Variants in OPCML observed in about 807,000 individuals in gnomAD.
OPCML encodes the protein opioid-binding protein/cell adhesion molecule.
A neutral mutation model predicts 37.8 loss-of-function variants in OPCML; 13 were observed. The ratio of observed to expected loss-of-function variants is 0.34; its 90% CI spans 0.22 to 0.55. OPCML has a LOEUF of 0.55. Among genes scored for constraint, OPCML ranks in the 20% least tolerant of loss-of-function variants. The pLI, the probability that OPCML is intolerant of heterozygous loss-of-function variation, is 0.91. For missense variants in OPCML, 341 were observed against 435.6 expected, an observed-to-expected ratio of 0.78 and a Z score of 1.93; for synonymous variants, 176 against 168.8, an observed-to-expected ratio of 1.04 and a Z score of -0.33.
chr11:133,189,931 C>T (rs1452119390), intron 1 of OPCML, among the ~76,000 whole-genome samples: 1 of 152,184 alleles, frequency 6.6e-6, no homozygotes, highest in African/African-American at 2.4e-5. Context: ...TGGTTGCTGC[C>T]TTGTACTGAA....
intron 1 of OPCML, among the ~76,000 whole-genome samples, chr11:133,019,362 G>C (rs1277208800): frequency 6.6e-6 from 1 of 152,182 alleles, no homozygotes; most frequent in Non-Finnish European, 1.5e-5. Flanking sequence ...CCAGCCCCAA[G>C]GTGACCTCTG....
chr11:132,590,958 C>A (rs1438702825), intron 3 of OPCML, among the ~76,000 whole-genome samples: 1 of 152,170 alleles, frequency 6.6e-6, no homozygotes, highest in Non-Finnish European at 1.5e-5. Flanking sequence ...TTTCCATAAT[C>A]CTCTAGAAGA....
rs1946941303 is a variant in OPCML at position 132,999,038 on chromosome 11, A to G, written c.62-56028T>C. Among the ~76,000 whole-genome samples the G allele has an allele frequency of 2.0e-5, 3 of 152,222 alleles. No individual in the cohort carries two copies. The East Asian group carries it at 5.8e-4, about 29-fold the overall frequency. On this transcript the variant is annotated intron_variant, in intron 1 of 7. Transcript: ENST00000524381. ...TCCGCAGATGAGGAAACAAAAGGTC[A>G]GATGATAGGAACCTTGTGTGATGTC...
chr11:132,627,615 T>C (rs1939827584), intron 3 of OPCML, among the ~76,000 whole-genome samples: 1 of 152,180 alleles, frequency 6.6e-6, no homozygotes, highest in African/African-American at 2.4e-5. Context: ...TCATGGAGTC[T>C]TTAATGAGCT....
rs968569607 is a variant in OPCML at position 133,344,649 on chromosome 11, AC to A, written c.61+187614del. Among the ~76,000 whole-genome samples, 34 of 151,868 alleles carry A rather than the reference AC, an allele frequency of 2.2e-4. No homozygotes were observed. The Middle Eastern group carries it at 0.017, about 76-fold the overall frequency. Reference sequence around the variant, plus strand: ...ACCTCCTACTTCTCTCTTTTTGAGAACCCCCCACACTTCTATCTCTTGCTGT... The same window carrying A: ...ACCTCCTACTTCTCTCTTTTTGAGAACCCCCACACTTCTATCTCTTGCTGT... On this transcript the variant is annotated intron_variant, in intron 1 of 7. Transcript: ENST00000524381.
At chr11:133,097,590 C>T (rs549955348) in intron 1 of OPCML, among the ~76,000 whole-genome samples, 20 of 151,846 alleles carry the variant, frequency 1.3e-4, no homozygotes, top group African/African-American at 4.1e-4. Context: ...ACTGGTTCTA[C>T]GAAAAGATCA....
intron 4 of OPCML, among the ~76,000 whole-genome samples, chr11:132,496,922 G>A (rs1183570769): frequency 1.3e-5 from 2 of 152,096 alleles, no homozygotes; most frequent in East Asian, 1.9e-4. Context: ...CAATAATAAC[G>A]ATGAGCAGGT....
chr11:133,197,269 G>C (rs1938571675), intron 1 of OPCML, among the ~76,000 whole-genome samples: 1 of 152,128 alleles, frequency 6.6e-6, no homozygotes, highest in African/African-American at 2.4e-5. Context: ...TGAAAGCCTT[G>C]GCGAGGTGAA....
intron 1 of OPCML, among the ~76,000 whole-genome samples, chr11:133,149,536 G>A (rs566240965): frequency 6.6e-6 from 1 of 152,318 alleles, no homozygotes; most frequent in South Asian, 2.1e-4. Context: ...CATTTAGTGT[G>A]TCCCTGATAA....
At chr11:132,513,069 C>A (rs958899601) in intron 4 of OPCML, among the ~76,000 whole-genome samples, 1 of 152,006 alleles carries the variant, frequency 6.6e-6, no homozygotes, top group East Asian at 1.9e-4. Context: ...CTTCTCAAAC[C>A]TCATTACATA....
intron 2 of OPCML, among the ~76,000 whole-genome samples, chr11:132,899,919 C>A (rs1943988500): frequency 6.6e-6 from 1 of 152,080 alleles, no homozygotes; most frequent in South Asian, 2.1e-4. Flanking sequence ...AGCCCAGCAA[C>A]CCCCACTCCC....
At chr11:132,566,944 T>C (rs1222169351) in intron 3 of OPCML, among the ~76,000 whole-genome samples, 1 of 76,762 alleles carries the variant, frequency 1.3e-5, no homozygotes, top group Non-Finnish European at 2.5e-5. Context: ...ACACGGTGCA[T>C]ACGGCAACAA....
chr11:132,758,974 C>T (rs1946164403), intron 2 of OPCML, among the ~76,000 whole-genome samples: 1 of 152,128 alleles, frequency 6.6e-6, no homozygotes, highest in Non-Finnish European at 1.5e-5. Context: ...AGATACACTT[C>T]ATCAATACCT....
At chr11:133,334,176 T>C (rs997031655) in intron 1 of OPCML, among the ~76,000 whole-genome samples, 2 of 152,018 alleles carry the variant, frequency 1.3e-5, no homozygotes, top group African/African-American at 4.8e-5. Flanking sequence ...CATTCTACAA[T>C]AAAGACACAT....
intron 1 of OPCML, among the ~76,000 whole-genome samples, chr11:133,413,384 C>T (rs1048703598): frequency 1.6e-4 from 25 of 151,556 alleles, no homozygotes; most frequent in Admixed American, 3.3e-4. Context: ...TGCTAGATGA[C>T]GAGTTAGTGG....
At chr11:133,285,263 G>A (rs1003993729) in intron 1 of OPCML, among the ~76,000 whole-genome samples, 1 of 152,182 alleles carries the variant, frequency 6.6e-6, no homozygotes, top group Non-Finnish European at 1.5e-5. Context: ...TGAAGCTCAA[G>A]GCACGAAGGG....
intron 3 of OPCML, among the ~76,000 whole-genome samples, chr11:132,626,887 C>T (rs1565723710): frequency 6.7e-6 from 1 of 148,540 alleles, no homozygotes; most frequent in African/African-American, 2.5e-5. Flanking sequence ...CATACATATA[C>T]ATATATGTTT....
intron 1 of OPCML, among the ~76,000 whole-genome samples, chr11:133,525,704 C>T (rs1948475780): frequency 6.6e-6 from 1 of 152,158 alleles, no homozygotes; most frequent in African/African-American, 2.4e-5. Context: ...GTAAATTCCC[C>T]AGGAATAAAG....
At chr11:132,801,372 A>C (rs1938638990) in intron 2 of OPCML, among the ~76,000 whole-genome samples, 1 of 152,120 alleles carries the variant, frequency 6.6e-6, no homozygotes, top group African/African-American at 2.4e-5. Context: ...ACAGACTTCC[A>C]TTTTATGACT....
Sources: gnomAD v4.1 joint callset for allele counts (sites outside exome capture counted in the v4.1 genomes callset) on GRCh38, gnomAD v4.1.1 for gene constraint, MANE v1.5 for transcripts, NCBI Gene and HGNC (gene_info 2026-07-23, HGNC 2026-07-21) for gene names.